The following NOTCH2NLR variants were observed in gnomAD, a reference collection of about 807,000 sequenced individuals.
NOTCH2NLR encodes the protein notch 2 N-terminal like R, also known as notch 2 N-terminal like R (pseudogene).
In NOTCH2NLR, 33 loss-of-function variants were observed where a neutral mutation model predicts 35.6. That is an observed-to-expected ratio of 0.93 (90% CI 0.70 to 1.24). The LOEUF (loss-of-function observed/expected upper bound fraction) is 1.24, where lower values mean the gene tolerates loss of function less well. NOTCH2NLR is among the 50% of genes most tolerant of loss of function. NOTCH2NLR has a pLI of 0.00. For missense variants in NOTCH2NLR, 276 were observed against 362.2 expected, an observed-to-expected ratio of 0.76 and a Z score of 1.93; for synonymous variants, 103 against 141.0, an observed-to-expected ratio of 0.73 and a Z score of 1.91.
In NOTCH2NLR at chr1:120,793,405, A is replaced by C. The variant is rs1256689686; in HGVS notation, c.660A>C (p.Arg220Ser). Residue 220 changes from arginine to serine, a missense_variant, in exon 4 of 5, where the codon AGA (arginine) becomes AGC (serine). Arg to Ser is a moderately radical substitution (Grantham distance 110, BLOSUM62 -1). Transcript: ENST00000624419. ...GCTTCACAGGCCAGTACTGTGACAGACTGTATGTGCCCTGTGCACACTCGC... is the reference window on the plus strand; with the variant it reads ...GCTTCACAGGCCAGTACTGTGACAGCCTGTATGTGCCCTGTGCACACTCGC... The C allele has an allele frequency of 1.8e-3, 2,639 of 1,437,494 alleles. 441 individuals carry two copies. Among genetic ancestry groups the C allele is most frequent in the Non-Finnish European group, 2.2e-3 (2,349 of 1,074,820 alleles). The allele number at this position is 1,437,494 out of a possible 1,614,324, so 89.0% of individuals were successfully genotyped here.
At chr1:120,724,212 T>C in exon 1 of NOTCH2NLR, 1 of 1,406,180 alleles carries the variant, frequency 7.1e-7, no homozygotes, top group Non-Finnish European at 9.3e-7. Flanking sequence ...CTGTGGGCGC[T>C]GCTGGCGCTC....
At chr1:120,728,531 C>G (rs1650840143) in intron 1 of NOTCH2NLR, among the ~76,000 whole-genome samples, 4 of 117,222 alleles carry the variant, frequency 3.4e-5, no homozygotes, top group Admixed American at 3.3e-4. Context: ...TTCAAAGGCA[C>G]TGCCATCCAC....
chr1:120,760,956 C>T (rs1651131077), intron 1 of NOTCH2NLR, among the ~76,000 whole-genome samples: 1 of 121,026 alleles, frequency 8.3e-6, no homozygotes, highest in Non-Finnish European at 1.7e-5. Flanking sequence ...TTTTAAAAAG[C>T]CCTCCAAGTG....
intron 1 of NOTCH2NLR, among the ~76,000 whole-genome samples, chr1:120,756,795 A>G (rs1411292907): frequency 2.8e-5 from 3 of 105,544 alleles, no homozygotes; most frequent in Admixed American, 9.1e-5. Flanking sequence ...TCAAGTCTGG[A>G]TACCTTAGCC....
In NOTCH2NLR at chr1:120,785,245, G is replaced by A. The variant is rs1426338375; in HGVS notation, c.415+12G>A. ...AGTCGGGTTTACAGGTAACTAATGA[G>A]ACCAAAGCCAGTGCTTCCCTACCTT... On this transcript the variant is annotated intron_variant, in intron 3 of 4. Coordinates refer to ENST00000624419, the Ensembl canonical transcript of NOTCH2NLR. 1 of 1,443,994 alleles carries A rather than the reference G, an allele frequency of 6.9e-7. No individual in the cohort carries two copies. Among genetic ancestry groups the A allele is most frequent in the Non-Finnish European group, 9.3e-7 (1 of 1,080,684 alleles). The allele number at this position is 1,443,994 out of a possible 1,614,324, so 89.4% of individuals were successfully genotyped here. A position where few individuals can be genotyped will look rare whatever the true frequency, so the allele number is the denominator to read the frequency against.
chr1:120,780,170 A>G (rs1651347528), intron 2 of NOTCH2NLR, among the ~76,000 whole-genome samples: 1 of 111,554 alleles, frequency 9.0e-6, no homozygotes, highest in Non-Finnish European at 1.7e-5. Context: ...AACCTACACC[A>G]AGGGTTCAAG....
Position 120,785,144 on chromosome 1 carries a change from G to T in NOTCH2NLR, c.326G>T (p.Cys109Phe). 34 of 1,446,580 alleles carry T rather than the reference G, an allele frequency of 2.4e-5. 7 individuals carry two copies. Among genetic ancestry groups the T allele is most frequent in the Admixed American group, 3.9e-5 (2 of 51,482 alleles). 89.6% of individuals were successfully genotyped at this position (1,446,580 alleles called of 1,614,324 possible). A position where few individuals can be genotyped will look rare whatever the true frequency, so the allele number is the denominator to read the frequency against. ...TGCCAGTACTCGACACCTCATCCAT[G>T]CTTTGTGTCTCGACCTTGCCTGAAT... The change falls in exon 3 of 5, where the codon TGC becomes TTC. Residue 109 changes from cysteine (C) to phenylalanine (F), a missense_variant. Transcript: ENST00000624419.
chr1:120,793,566 A>T, intron 4 of NOTCH2NLR, 70 bp downstream of exon 4: 1 of 1,117,130 alleles, frequency 9.0e-7, no homozygotes. Context: ...GGTGTGGCTC[A>T]ATTGCATTTT....
chr1:120,737,810 C>T (rs1275750901), intron 1 of NOTCH2NLR, among the ~76,000 whole-genome samples: 1 of 118,770 alleles, frequency 8.4e-6, no homozygotes, highest in Non-Finnish European at 1.7e-5. Context: ...ATTTGTTTCC[C>T]TTGACAGTTT....
intron 1 of NOTCH2NLR, among the ~76,000 whole-genome samples, chr1:120,756,045 C>T (rs1651076986): frequency 8.9e-6 from 1 of 112,238 alleles, no homozygotes; most frequent in Non-Finnish European, 1.7e-5. Context: ...TTGAAGCTTC[C>T]GCACTTCTTC....
rs1371249204 is a variant in NOTCH2NLR at position 120,768,008 on chromosome 1, G to T, written c.155+4299G>T. ...CTTCCCTTTACTTTACACATGTATG[G>T]TAGTTTTACATTACTTACTGGACAT... On this transcript the variant is annotated intron_variant, in intron 2 of 4. Coordinates refer to ENST00000624419, the Ensembl canonical transcript of NOTCH2NLR. 5.3e-5 allele frequency among the ~76,000 whole-genome samples: 6 copies of T among 112,618 alleles called. 1 individual carries two copies. The highest frequency in any genetic ancestry group is 5.1e-4 in the Admixed American group (6 of 11,758). The allele number at this position is 112,618 out of a possible 152,430, so 73.9% of individuals were successfully genotyped here. A position where few individuals can be genotyped will look rare whatever the true frequency, so the allele number is the denominator to read the frequency against.
intron 2 of NOTCH2NLR, among the ~76,000 whole-genome samples, chr1:120,777,574 C>G (rs1651313005): frequency 2.0e-5 from 2 of 99,866 alleles, no homozygotes; most frequent in Admixed American, 2.0e-4. Context: ...TTCTGGACAC[C>G]AATCTATACA....
chr1:120,785,015 A>G (rs1651405317), exon 3 of NOTCH2NLR: 1 of 1,421,888 alleles, frequency 7.0e-7, no homozygotes, highest in African/African-American at 2.7e-5. Flanking sequence ...CAACATCGAG[A>G]CCCCTGTGAG....
intron 1 of NOTCH2NLR, among the ~76,000 whole-genome samples, chr1:120,734,312 A>C (rs1447701473): frequency 3.3e-5 from 1 of 30,026 alleles, no homozygotes; most frequent in Non-Finnish European, 5.5e-5. Context: ...GCTGTCTGCC[A>C]GCTATTACCA....
In NOTCH2NLR at chr1:120,764,083, C is replaced by T. The variant is rs1651162751; in HGVS notation, c.155+374C>T. On this transcript the variant is annotated intron_variant, in intron 2 of 4. Coordinates refer to ENST00000624419, the Ensembl canonical transcript of NOTCH2NLR. Reference sequence around the variant, plus strand: ...CCAACATAGTGAAACCCTATCTCTACTAAAAATACAAAAATTAGCCAGGTG... The same window carrying T: ...CCAACATAGTGAAACCCTATCTCTATTAAAAATACAAAAATTAGCCAGGTG... Among the ~76,000 whole-genome samples the T allele has an allele frequency of 3.7e-5, 4 of 109,130 alleles. 1 individual carries two copies. In the South Asian group the frequency reaches 1.1e-3, roughly 29 times the overall value. The allele number at this position is 109,130 out of a possible 152,430, so 71.6% of individuals were successfully genotyped here.
chr1:120,768,678 C>T (rs1433846901), intron 2 of NOTCH2NLR, among the ~76,000 whole-genome samples: 1 of 99,918 alleles, frequency 1.0e-5, no homozygotes, highest in Non-Finnish European at 1.8e-5. Flanking sequence ...GCTTATATCC[C>T]TTCTAGTTTA....
chr1:120,777,275 A>G (rs1325819004), intron 2 of NOTCH2NLR, among the ~76,000 whole-genome samples: 1 of 21,048 alleles, frequency 4.8e-5, no homozygotes, highest in Non-Finnish European at 7.4e-5. Flanking sequence ...GAAACTTTTA[A>G]TTTGGAAGCA....
chr1:120,752,570 TTTTTC>T (rs1651035366), intron 1 of NOTCH2NLR, among the ~76,000 whole-genome samples: 6 of 33,602 alleles, frequency 1.8e-4, no homozygotes, highest in South Asian at 8.3e-4. Flanking sequence ...TTTTTTTTTT[TTTTTC>T]TTTTTTTTTT....
intron 2 of NOTCH2NLR, among the ~76,000 whole-genome samples, chr1:120,781,621 T>C (rs1380789632): frequency 2.1e-5 from 1 of 48,774 alleles, no homozygotes; most frequent in Admixed American, 1.9e-4. Flanking sequence ...TGGAGTGCAG[T>C]GGCGCGATCT....
Sources: allele counts gnomAD v4.1 joint callset (sites outside exome capture counted in the v4.1 genomes callset), GRCh38; gene constraint gnomAD v4.1.1; transcripts MANE v1.5; gene names NCBI Gene and HGNC (gene_info 2026-07-23, HGNC 2026-07-21).